Variants in ARSB observed in about 807,000 individuals in gnomAD.
ARSB encodes N-acetylgalactosamine-4-sulfatase.
ARSB carries 41 observed loss-of-function variants against 50.9 expected under a neutral mutation model. The ratio of observed to expected loss-of-function variants is 0.81; its 90% CI spans 0.63 to 1.04. The LOEUF (loss-of-function observed/expected upper bound fraction) is 1.04, where lower values mean the gene tolerates loss of function less well. ARSB is among the 50% of genes least tolerant of loss of function. The pLI, the probability that ARSB is intolerant of heterozygous loss-of-function variation, is 0.00. For synonymous variants in ARSB, 269 were observed against 284.8 expected (o/e 0.94, Z 0.56); for missense variants, 672 against 693.3 (o/e 0.97, Z 0.35).
intron 3 of ARSB, among the ~76,000 whole-genome samples, chr5:78,956,326 T>C (rs1376994795): frequency 6.6e-6 from 1 of 152,070 alleles, no homozygotes; most frequent in Non-Finnish European, 1.5e-5. Flanking sequence ...GGCAAATCTA[T>C]AGAGACAGAG....
rs374843220 is a variant in ARSB, at chr5:78,974,527, T to C, written c.313-5335A>G. ...GAAAGGAATCTCTCAAAAGGTGATA[T>C]GATTAAGGAAACGCAAACAAAAGAT... On this transcript the variant is annotated intron_variant, in intron 1 of 7. Coordinates refer to ENST00000264914, the MANE Select transcript of ARSB (RefSeq NM_000046.5). 2.4e-4 allele frequency among the ~76,000 whole-genome samples: 36 copies of C among 152,284 alleles called. No individual in the cohort carries two copies. In the East Asian group the frequency reaches 4.4e-3, roughly 19 times the overall value.
intron 6 of ARSB, among the ~76,000 whole-genome samples, chr5:78,791,368 C>A (rs1012583639): frequency 6.6e-5 from 10 of 152,208 alleles, no homozygotes; most frequent in Non-Finnish European, 1.5e-5. Context: ...TCTCTTAAAG[C>A]TTATTTACGC....
At position 78,854,159 on chromosome 5, in the gene ARSB, G is replaced by A. The variant is rs538433192; in HGVS notation, c.1143-14733C>T. ...ATCACCCGTCTTCTGTGTCGCTCAC[G>A]CTGGGAGCTGTAGACCGGAGCTGTT... is the stretch of plus-strand genomic sequence containing the variant. On this transcript the variant is annotated intron_variant, in intron 5 of 7. Transcript: ENST00000264914. Among the ~76,000 whole-genome samples the A allele has an allele frequency of 2.3e-3, 351 of 152,362 alleles. 3 individuals are homozygous for A. Among genetic ancestry groups the A allele is most frequent in the African/African-American group, 8.1e-3 (338 of 41,588 alleles).
intron 4 of ARSB, among the ~76,000 whole-genome samples, chr5:78,888,317 T>A (rs1436693788): frequency 6.6e-6 from 1 of 152,160 alleles, no homozygotes; most frequent in African/African-American, 2.4e-5. Context: ...AAAGAAGAAA[T>A]TCCTCCATGT....
chr5:78,799,754 G>A (rs889289262), intron 6 of ARSB, among the ~76,000 whole-genome samples: 69 of 152,196 alleles, frequency 4.5e-4, no homozygotes, highest in African/African-American at 1.6e-3. Flanking sequence ...CCCTACAAAG[G>A]TGTAGGTGAG....
intron 4 of ARSB, among the ~76,000 whole-genome samples, chr5:78,942,815 G>T (rs1351570845): frequency 6.6e-6 from 1 of 152,158 alleles, no homozygotes; most frequent in African/African-American, 2.4e-5. Context: ...GCAGAGCTGA[G>T]TTCAATTCCT....
At chr5:78,804,647 G>A (rs1743503255) in intron 6 of ARSB, among the ~76,000 whole-genome samples, 1 of 152,218 alleles carries the variant, frequency 6.6e-6, no homozygotes, top group Non-Finnish European at 1.5e-5. Flanking sequence ...TTACCCAAAT[G>A]CTTTCAAAGC....
chr5:78,985,755 A>G (rs886060800), upstream of ARSB: 1 of 152,224 alleles, frequency 6.6e-6, no homozygotes, highest in Non-Finnish European at 1.5e-5. Context: ...CTAGCAAGTC[A>G]TTTCTAGCAC....
At position 78,778,473 on chromosome 5, in the gene ARSB, TG is replaced by T. The variant is rs1561420095; in HGVS notation, c.*1923del. 1 of 152,228 alleles carries T rather than the reference TG, an allele frequency of 6.6e-6. No homozygotes were observed. The highest frequency in any genetic ancestry group is 2.4e-5 in the African/African-American group (1 of 41,460). The allele number at this position is 152,228 out of a possible 1,614,324, so 9.4% of individuals were successfully genotyped here. A position where few individuals can be genotyped will look rare whatever the true frequency, so the allele number is the denominator to read the frequency against. On this transcript the variant is annotated 3_prime_UTR_variant, in exon 8 of 8. Transcript: ENST00000264914. ...TCCCATAAAGTATAGAAATGGAAAT[TG>T]CTGACAAGAGAGTACCTTTGGTAGG...
intron 6 of ARSB, among the ~76,000 whole-genome samples, chr5:78,799,310 C>G (rs528165951): frequency 5.3e-5 from 8 of 152,196 alleles, no homozygotes; most frequent in African/African-American, 1.9e-4. Context: ...AACAGACAGA[C>G]ATTCTGAGAT....
chr5:78,809,122 T>A (rs545575491), intron 6 of ARSB, among the ~76,000 whole-genome samples: 4 of 152,288 alleles, frequency 2.6e-5, no homozygotes, highest in African/African-American at 9.6e-5. Flanking sequence ...AGATTCAGCA[T>A]CTAACAAAGA....
intron 5 of ARSB, among the ~76,000 whole-genome samples, chr5:78,870,107 A>C (rs1747051278): frequency 7.2e-6 from 1 of 139,480 alleles, no homozygotes; most frequent in Non-Finnish European, 1.6e-5. Flanking sequence ...TCCCAAGACT[A>C]AACCAGGAAG....
intron 5 of ARSB, 181 bp downstream of exon 5, chr5:78,885,403 A>G: frequency 1.1e-6 from 1 of 900,366 alleles, no homozygotes; most frequent in Admixed American, 3.2e-5. Context: ...CCACAATCTC[A>G]AATTTATAAT....
In ARSB at chr5:78,855,415, G is replaced by A. The variant is rs77477038; in HGVS notation, c.1143-15989C>T. Among the ~76,000 whole-genome samples, 448 of 152,290 alleles carry A rather than the reference G, an allele frequency of 2.9e-3. 4 individuals are homozygous for A. The highest frequency in any genetic ancestry group is 0.01 in the African/African-American group (435 of 41,552). On this transcript the variant is annotated intron_variant, in intron 5 of 7. Coordinates refer to ENST00000264914, the MANE Select transcript of ARSB (RefSeq NM_000046.5). ...TCTGGCCTGAGGAGGAAAGGGTGGT[G>A]GGAGGTGGAGCAGCTCCACCTCTGC...
At chr5:78,936,474 C>T (rs1473393476) in intron 4 of ARSB, among the ~76,000 whole-genome samples, 1 of 101,036 alleles carries the variant, frequency 9.9e-6, no homozygotes, top group Non-Finnish European at 1.9e-5. Context: ...ATCCTTACAA[C>T]TCCTAAGAAA....
At chr5:78,862,217 T>C (rs1746476802) in intron 5 of ARSB, among the ~76,000 whole-genome samples, 1 of 152,098 alleles carries the variant, frequency 6.6e-6, no homozygotes, top group Non-Finnish European at 1.5e-5. Context: ...TTCAGTGCCA[T>C]CCCCATCAAG....
At chr5:78,856,174 A>T (rs539702882) in intron 5 of ARSB, among the ~76,000 whole-genome samples, 1 of 152,288 alleles carries the variant, frequency 6.6e-6, no homozygotes, top group African/African-American at 2.4e-5. Flanking sequence ...CAATGGAACT[A>T]TCTTGGCACC....
intron 5 of ARSB, among the ~76,000 whole-genome samples, chr5:78,857,552 A>C (rs115868298): frequency 2.0e-3 from 308 of 152,312 alleles, no homozygotes; most frequent in African/African-American, 7.1e-3. Context: ...TTTTACGTGA[A>C]TCAAGGTAAT....
chr5:78,839,066 C>T (rs1042626199), intron 6 of ARSB, among the ~76,000 whole-genome samples: 2 of 152,202 alleles, frequency 1.3e-5, no homozygotes, highest in Non-Finnish European at 2.9e-5. Flanking sequence ...TCAGAGATGC[C>T]ATGAGTTCTT....
Sources: allele counts gnomAD v4.1 joint callset (sites outside exome capture counted in the v4.1 genomes callset), GRCh38; gene constraint gnomAD v4.1.1; transcripts MANE v1.5; gene names NCBI Gene and HGNC (gene_info 2026-07-23, HGNC 2026-07-21).